SLIT3: variants seen among roughly 807,000 people sequenced by gnomAD.
SLIT3 encodes the protein slit guidance ligand 3.
A neutral mutation model predicts 184.0 loss-of-function variants in SLIT3; 68 were observed. The ratio of observed to expected loss-of-function variants is 0.37; its 90% CI spans 0.30 to 0.45. The LOEUF is 0.45. SLIT3 is among the 20% of genes least tolerant of loss of function. The pLI is 1.00. For synonymous variants in SLIT3, 831 were observed against 828.6 expected, an observed-to-expected ratio of 1.00 and a Z score of -0.05; for missense variants, 1,707 against 2,026.0, an observed-to-expected ratio of 0.84 and a Z score of 3.02.
intron 4 of SLIT3, among the ~76,000 whole-genome samples, chr5:169,046,416 T>C (rs539977669): frequency 6.6e-6 from 1 of 152,206 alleles, no homozygotes; most frequent in African/African-American, 2.4e-5. Flanking sequence ...CCCTTTGACA[T>C]TGCTTTAAAA....
At chr5:169,137,534 G>T (rs935552639) in intron 4 of SLIT3, among the ~76,000 whole-genome samples, 2 of 151,882 alleles carry the variant, frequency 1.3e-5, no homozygotes, top group Admixed American at 1.3e-4. Context: ...TCCTGGCCAG[G>T]ATACCCTCCT....
intron 1 of SLIT3, among the ~76,000 whole-genome samples, chr5:169,269,378 G>C (rs752513167): frequency 6.6e-6 from 1 of 152,184 alleles, no homozygotes; most frequent in Non-Finnish European, 1.5e-5. Flanking sequence ...CACTCTCTAT[G>C]GTTCTCCACC....
At chr5:168,955,533 AAGCCAT>A in intron 4 of SLIT3, among the ~76,000 whole-genome samples, 1 of 152,250 alleles carries the variant, frequency 6.6e-6, no homozygotes, top group South Asian at 2.1e-4. Context: ...CTAGGAACCT[AAGCCAT>A]GGGGAAGGAA....
At chr5:169,098,853 G>GC (rs1241122525) in intron 4 of SLIT3, among the ~76,000 whole-genome samples, 1 of 152,172 alleles carries the variant, frequency 6.6e-6, no homozygotes, top group Non-Finnish European at 1.5e-5. Flanking sequence ...TCCTTGAGAA[G>GC]CCGGAGGAAT....
chr5:168,824,909 C>T (rs1757650220), intron 6 of SLIT3, among the ~76,000 whole-genome samples: 1 of 152,212 alleles, frequency 6.6e-6, no homozygotes, highest in South Asian at 2.1e-4. Flanking sequence ...ACATTATCTT[C>T]CGCTTCAAAT....
chr5:168,802,088 G>C (rs1756785060), intron 9 of SLIT3, among the ~76,000 whole-genome samples: 1 of 149,372 alleles, frequency 6.7e-6, no homozygotes, highest in African/African-American at 2.5e-5. Context: ...TTCCTAAGGA[G>C]AAAGTACAAA....
chr5:168,846,971 A>C (rs1758495050), intron 5 of SLIT3, among the ~76,000 whole-genome samples: 2 of 152,342 alleles, frequency 1.3e-5, no homozygotes, highest in East Asian at 3.9e-4. Context: ...GATAGCCAAA[A>C]GATTTTTTTA....
At chr5:169,119,651 G>C (rs1199019820) in intron 4 of SLIT3, among the ~76,000 whole-genome samples, 1 of 152,136 alleles carries the variant, frequency 6.6e-6, no homozygotes, top group African/African-American at 2.4e-5. Flanking sequence ...AGTCAGAAAA[G>C]ACTCATGCAG....
intron 35 of SLIT3, 149 bp from the exon 36 acceptor site, chr5:168,666,838 C>G (rs1463644663): frequency 2.3e-6 from 3 of 1,304,242 alleles, no homozygotes; most frequent in Non-Finnish European, 2.1e-6. Context: ...CCCCTCCATC[C>G]ACCCATCTAT....
chr5:169,004,977 T>C (rs952707057), intron 4 of SLIT3, among the ~76,000 whole-genome samples: 1 of 152,328 alleles, frequency 6.6e-6, no homozygotes, highest in East Asian at 1.9e-4. Context: ...CGTTGTTTTA[T>C]TGAGCTTTCT....
At position 168,956,942 on chromosome 5, in the gene SLIT3, TA is replaced by T. The variant is rs35572186; in HGVS notation, c.414-73607del. Among the ~76,000 whole-genome samples, 62 of 146,244 alleles carry T rather than the reference TA, an allele frequency of 4.2e-4. No individual in the cohort carries two copies. In the East Asian group the frequency reaches 6.3e-3, roughly 15 times the overall value. On this transcript the variant is annotated intron_variant, in intron 4 of 35. Coordinates refer to ENST00000519560, the MANE Select transcript of SLIT3 (RefSeq NM_003062.4). ...TTAATCTCAGCCTCCACATCCACTT[TA>T]AAAAAAAAAAGGCAGTGGCTCACAC... is the stretch of plus-strand genomic sequence containing the variant.
intron 4 of SLIT3, among the ~76,000 whole-genome samples, chr5:169,171,903 G>A (rs1382461356): frequency 6.6e-6 from 1 of 152,178 alleles, no homozygotes; most frequent in Admixed American, 6.5e-5. Context: ...CTTGGGGCTA[G>A]AGGAATCTGC....
intron 4 of SLIT3, among the ~76,000 whole-genome samples, chr5:168,983,866 A>C (rs1755033345): frequency 6.6e-6 from 1 of 152,142 alleles, no homozygotes; most frequent in African/African-American, 2.4e-5. Flanking sequence ...AAATGACATT[A>C]AGACATCATT....
At chr5:168,887,622 T>A (rs1410102794) in intron 4 of SLIT3, among the ~76,000 whole-genome samples, 1 of 152,160 alleles carries the variant, frequency 6.6e-6, no homozygotes, top group Non-Finnish European at 1.5e-5. Flanking sequence ...CTGTCTCACA[T>A]CTCCAACTGT....
chr5:168,714,009 A>G (rs960391281), intron 23 of SLIT3, among the ~76,000 whole-genome samples: 2 of 152,138 alleles, frequency 1.3e-5, no homozygotes, highest in African/African-American at 4.8e-5. Context: ...TATCCTCATC[A>G]CCATCAGCTC....
In SLIT3 at chr5:168,671,223, C is replaced by A; in HGVS notation, c.4102G>T (p.Ala1368Ser). Residue 1368 changes from alanine to serine, a missense_variant, in exon 34 of 36, where the codon GCC becomes TCC. Physicochemically the swap from Ala to Ser is moderately conservative, Grantham distance 99. Coordinates refer to ENST00000519560, the MANE Select transcript of SLIT3 (RefSeq NM_003062.4). Reference sequence around the variant, plus strand: ...CTGTGGCCGAGGCAGGGGTCCCGGGCCTCCTGATCGCAGAGTGGGCCGGTC... The same window carrying A: ...CTGTGGCCGAGGCAGGGGTCCCGGGACTCCTGATCGCAGAGTGGGCCGGTC... ...GWTGPLCDQE[A>S]RDPCLGHRCH... 6.2e-7 allele frequency: 1 copy of A among 1,610,292 alleles called. No individual in the cohort carries two copies. Among genetic ancestry groups the A allele is most frequent in the Non-Finnish European group, 8.5e-7 (1 of 1,177,736 alleles).
chr5:169,071,651 C>A (rs920415074), intron 4 of SLIT3, among the ~76,000 whole-genome samples: 1 of 152,152 alleles, frequency 6.6e-6, no homozygotes, highest in Non-Finnish European at 1.5e-5. Flanking sequence ...TTGTGGCAGT[C>A]CTTTGACATG....
intron 4 of SLIT3, among the ~76,000 whole-genome samples, chr5:169,003,494 G>A (rs949001041): frequency 2.0e-5 from 3 of 152,244 alleles, no homozygotes; most frequent in African/African-American, 7.2e-5. Flanking sequence ...ATTGACACGA[G>A]GAAACTCTAT....
At chr5:168,749,138 G>T (rs1461967619) in intron 19 of SLIT3, among the ~76,000 whole-genome samples, 1 of 152,220 alleles carries the variant, frequency 6.6e-6, no homozygotes. Context: ...TCTCACTGTG[G>T]ACATGATAGA....
Sources: gnomAD v4.1 joint callset for allele counts (sites outside exome capture counted in the v4.1 genomes callset) on GRCh38, gnomAD v4.1.1 for gene constraint, MANE v1.5 for transcripts, NCBI Gene and HGNC (gene_info 2026-07-23, HGNC 2026-07-21) for gene names.